The following NRG1 variants were observed in gnomAD, a reference collection of about 807,000 sequenced individuals.
The protein encoded by NRG1 is pro-neuregulin-1, membrane-bound isoform.
A neutral mutation model predicts 63.8 loss-of-function variants in NRG1; 18 were observed. The ratio of observed to expected loss-of-function variants is 0.28; its 90% CI spans 0.19 to 0.42. NRG1 has a LOEUF of 0.42. Among genes scored for constraint, NRG1 ranks in the 10% least tolerant of loss-of-function variants. The pLI is 1.00. For missense variants in NRG1, 762 were observed against 814.7 expected (o/e 0.94, Z 0.79); for synonymous variants, 302 against 301.3 (o/e 1.00, Z -0.02).
At chr8:31,936,231 C>T (rs73580663) in intron 1 of NRG1, among the ~76,000 whole-genome samples, 2,311 of 152,222 alleles carry the variant, frequency 0.015, 45 homozygotes, top group African/African-American at 0.053. Flanking sequence ...AAGTATATCG[C>T]GGTGTACAAT....
chr8:31,998,957 T>C (rs1458847127), intron 1 of NRG1, among the ~76,000 whole-genome samples: 1 of 151,998 alleles, frequency 6.6e-6, no homozygotes, highest in Non-Finnish European at 1.5e-5. Context: ...AGATTCTTCC[T>C]TTGAGAGGAT....
chr8:31,738,407 GAT>G (rs1814912498), intron 1 of NRG1, among the ~76,000 whole-genome samples: 1 of 152,042 alleles, frequency 6.6e-6, no homozygotes, highest in African/African-American at 2.4e-5. Context: ...CTGCTGTACT[GAT>G]ATTCATGATA....
At chr8:32,635,856 A>G (rs1410426965) in intron 5 of NRG1, among the ~76,000 whole-genome samples, 1 of 152,180 alleles carries the variant, frequency 6.6e-6, no homozygotes, top group African/African-American at 2.4e-5. Context: ...GTTTCCATCC[A>G]AAACTTTTTT....
chr8:32,370,538 T>C (rs1808673676), intron 1 of NRG1, among the ~76,000 whole-genome samples: 1 of 152,018 alleles, frequency 6.6e-6, no homozygotes, highest in Non-Finnish European at 1.5e-5. Flanking sequence ...ATATACTACT[T>C]TCATTATTAT....
At chr8:32,311,589 T>C (rs1195379172) in intron 1 of NRG1, among the ~76,000 whole-genome samples, 1 of 152,154 alleles carries the variant, frequency 6.6e-6, no homozygotes, top group Non-Finnish European at 1.5e-5. Flanking sequence ...ATATAGGGCC[T>C]GAGGGTCACA....
rs936057784 is a variant in NRG1 at position 32,460,571 on chromosome 8, C to T, written c.38-135257C>T. 5.3e-5 allele frequency among the ~76,000 whole-genome samples: 8 copies of T among 152,144 alleles called. No individual in the cohort carries two copies. In the South Asian group the frequency reaches 1.2e-3, roughly 24 times the overall value. ...ATCTTCTCATCTTTTGGTTTCAGGA[C>T]CTGATTCATCAGTTTCTATAGATCC... On this transcript the variant is annotated intron_variant, in intron 1 of 10. Coordinates refer to the NRG1 transcript ENST00000519301.
Position 32,400,880 on chromosome 8 carries a change from T to C in NRG1, c.38-194948T>C, listed in dbSNP as rs78047848. 6.4e-3 allele frequency among the ~76,000 whole-genome samples: 979 copies of C among 152,266 alleles called. 11 individuals are homozygous for C. The highest frequency in any genetic ancestry group is 0.023 in the African/African-American group (938 of 41,542). On this transcript the variant is annotated intron_variant, in intron 1 of 10. Transcript: ENST00000519301. The stretch of plus-strand genomic sequence containing the variant: ...AGCACTGTCCGCAATAGCAAAGATA[T>C]GGAATCAGCCTAAATGCCCATCAAC...
At chr8:31,769,614 G>A (rs2131561759) in intron 1 of NRG1, among the ~76,000 whole-genome samples, 1 of 152,316 alleles carries the variant, frequency 6.6e-6, no homozygotes, top group South Asian at 2.1e-4. Flanking sequence ...GGAGGAATCT[G>A]TGATGTTGAG....
chr8:32,139,633 C>T (rs965040342), intron 1 of NRG1, among the ~76,000 whole-genome samples: 3 of 152,134 alleles, frequency 2.0e-5, no homozygotes, highest in African/African-American at 7.2e-5. Flanking sequence ...AGTATACACA[C>T]GTGTACCTTT....
intron 1 of NRG1, among the ~76,000 whole-genome samples, chr8:32,138,380 CA>C (rs1835819047): frequency 6.6e-6 from 1 of 151,814 alleles, no homozygotes; most frequent in Admixed American, 6.6e-5. Flanking sequence ...GGAATACAAA[CA>C]AAGCATTTTT....
At chr8:31,712,993 CCATCCATCCAT>C (rs1264002237) in intron 1 of NRG1, among the ~76,000 whole-genome samples, 1 of 63,678 alleles carries the variant, frequency 1.6e-5, no homozygotes, top group Non-Finnish European at 3.3e-5. Flanking sequence ...ACCCATCCAT[CCATCCATCCAT>C]CCATCCATCC....
At chr8:32,538,344 T>C (rs1832234773) in intron 1 of NRG1, among the ~76,000 whole-genome samples, 1 of 152,174 alleles carries the variant, frequency 6.6e-6, no homozygotes, top group South Asian at 2.1e-4. Flanking sequence ...ATCAAGGCTA[T>C]AGATGATAAA....
intron 1 of NRG1, among the ~76,000 whole-genome samples, chr8:32,185,494 G>A (rs1359454874): frequency 1.3e-5 from 2 of 152,152 alleles, no homozygotes; most frequent in South Asian, 2.1e-4. Flanking sequence ...ATAAGGTTAC[G>A]ATAGCACAAT....
chr8:32,105,491 C>T (rs1180148777), intron 1 of NRG1, among the ~76,000 whole-genome samples: 1 of 152,130 alleles, frequency 6.6e-6, no homozygotes, highest in Non-Finnish European at 1.5e-5. Context: ...ATGGCAAAGA[C>T]CCGCCACCAT....
At chr8:32,417,743 G>A (rs745564862) in intron 1 of NRG1, among the ~76,000 whole-genome samples, 2 of 150,172 alleles carry the variant, frequency 1.3e-5, no homozygotes, top group South Asian at 4.2e-4. Context: ...GGGAGGGGGG[G>A]TGTGTTATAG....
intron 1 of NRG1, among the ~76,000 whole-genome samples, chr8:32,295,189 G>A (rs1685911172): frequency 6.6e-6 from 1 of 152,032 alleles, no homozygotes; most frequent in African/African-American, 2.4e-5. Context: ...AATTTGATAA[G>A]CTTTTAAATT....
intron 1 of NRG1, among the ~76,000 whole-genome samples, chr8:31,945,720 T>G (rs558557764): frequency 6.6e-6 from 1 of 152,226 alleles, no homozygotes; most frequent in Non-Finnish European, 1.5e-5. Context: ...GGCTTTTTTC[T>G]TCCTGTGCAT....
chr8:31,693,523 C>A (rs1303721682), intron 1 of NRG1, among the ~76,000 whole-genome samples: 1 of 151,492 alleles, frequency 6.6e-6, no homozygotes, highest in Non-Finnish European at 1.5e-5. Context: ...TGCCTAGCAA[C>A]ATAGCAACCT....
intron 1 of NRG1, among the ~76,000 whole-genome samples, chr8:31,984,626 T>A (rs1809732373): frequency 6.6e-6 from 1 of 152,136 alleles, no homozygotes; most frequent in Non-Finnish European, 1.5e-5. Flanking sequence ...AGCTGCATGA[T>A]GCCTGTGCCC....
Sources: allele counts gnomAD v4.1 joint callset (sites outside exome capture counted in the v4.1 genomes callset), GRCh38; gene constraint gnomAD v4.1.1; transcripts MANE v1.5; gene names NCBI Gene and HGNC (gene_info 2026-07-23, HGNC 2026-07-21).